TMEM132C: variants seen among roughly 807,000 people sequenced by gnomAD.
TMEM132C encodes the protein transmembrane protein 132C.
TMEM132C carries 29 observed loss-of-function variants against 61.4 expected under a neutral mutation model. The observed-to-expected ratio is 0.47, with a 90% CI of 0.35 to 0.64. The LOEUF (loss-of-function observed/expected upper bound fraction) is 0.64. TMEM132C is among the 30% of genes least tolerant of loss of function. The pLI is 0.00. For missense variants in TMEM132C, 1,408 were observed against 1,476.9 expected, an observed-to-expected ratio of 0.95 and a Z score of 0.76; for synonymous variants, 656 against 633.1, an observed-to-expected ratio of 1.04 and a Z score of -0.54.
intron 4 of TMEM132C, among the ~76,000 whole-genome samples, chr12:128,629,407 G>A (rs1954047051): frequency 6.6e-6 from 1 of 152,064 alleles, no homozygotes; most frequent in Admixed American, 6.5e-5. Flanking sequence ...GGAGGTTGAG[G>A]CTACAGTGAG....
At chr12:128,669,997 C>G (rs1954515755) in intron 5 of TMEM132C, among the ~76,000 whole-genome samples, 1 of 152,178 alleles carries the variant, frequency 6.6e-6, no homozygotes, top group African/African-American at 2.4e-5. Context: ...ATCTCACATA[C>G]TTATCTTTTT....
At chr12:128,692,159 C>A (rs185185761) in intron 5 of TMEM132C, among the ~76,000 whole-genome samples, 1 of 152,348 alleles carries the variant, frequency 6.6e-6, no homozygotes, top group East Asian at 1.9e-4. Context: ...AGCTATCTAC[C>A]CATTTGTCCA....
At chr12:128,402,094 G>A (rs965550912) in intron 1 of TMEM132C, among the ~76,000 whole-genome samples, 8 of 152,228 alleles carry the variant, frequency 5.3e-5, no homozygotes, top group African/African-American at 1.2e-4. Context: ...AGAAGCTGCC[G>A]AGATATTGGC....
intron 2 of TMEM132C, among the ~76,000 whole-genome samples, chr12:128,468,557 G>T (rs1870822358): frequency 2.0e-5 from 3 of 152,194 alleles, no homozygotes; most frequent in African/African-American, 7.2e-5. Context: ...GACCTCAGGT[G>T]ATCCGCCCGC....
At chr12:128,536,405 G>GC (rs1873529109) in intron 2 of TMEM132C, among the ~76,000 whole-genome samples, 4 of 152,092 alleles carry the variant, frequency 2.6e-5, no homozygotes, top group Non-Finnish European at 5.9e-5. Flanking sequence ...GTGGGGGGCT[G>GC]GGGGAGGGAT....
intron 1 of TMEM132C, among the ~76,000 whole-genome samples, chr12:128,319,331 C>A (rs1465839246): frequency 6.6e-6 from 1 of 151,540 alleles, no homozygotes; most frequent in African/African-American, 2.4e-5. Context: ...TCTCTGACTC[C>A]CTCCACTCAA....
At chr12:128,606,868 T>C (rs757779581) in intron 3 of TMEM132C, among the ~76,000 whole-genome samples, 1 of 152,220 alleles carries the variant, frequency 6.6e-6, no homozygotes, top group African/African-American at 2.4e-5. Flanking sequence ...CTAGAATTTT[T>C]AAAATGCATT....
Position 128,278,006 on chromosome 12 carries a change from C to T in TMEM132C, c.85+10519C>T, listed in dbSNP as rs1021679544. Among the ~76,000 whole-genome samples, 1 of 152,064 alleles carries T rather than the reference C, an allele frequency of 6.6e-6. No individual in the cohort carries two copies. The highest frequency in any genetic ancestry group is 1.5e-5 in the Non-Finnish European group (1 of 68,026). ...AATAGTAGCATCTTCTATCACTGAC[C>T]TCCTCTTGCAGATAAGGAGACCTTA... is the stretch of plus-strand genomic sequence containing the variant. On this transcript the variant is annotated intron_variant, in intron 1 of 8. Transcript: ENST00000435159. This position sits in a 1 kb window ranked among gnomAD's most constrained non-coding sequence, Gnocchi z 4.2.
At chr12:128,567,975 C>G (rs1350707261) in intron 3 of TMEM132C, among the ~76,000 whole-genome samples, 1 of 152,148 alleles carries the variant, frequency 6.6e-6, no homozygotes, top group Non-Finnish European at 1.5e-5. Flanking sequence ...GAAAGGACCC[C>G]CTAAGTTACA....
intron 3 of TMEM132C, among the ~76,000 whole-genome samples, chr12:128,599,011 G>T (rs1348531587): frequency 6.6e-6 from 1 of 152,104 alleles, no homozygotes; most frequent in African/African-American, 2.4e-5. Flanking sequence ...CCAGCAGGAG[G>T]CCCTGGTGGG....
intron 6 of TMEM132C, among the ~76,000 whole-genome samples, chr12:128,694,589 A>T (rs1277481955): frequency 2.0e-5 from 3 of 152,168 alleles, no homozygotes; most frequent in Non-Finnish European, 4.4e-5. Context: ...AGCTAAGTGA[A>T]GGTGTTCCTG....
chr12:128,374,848 A>T (rs1874138722), intron 1 of TMEM132C, among the ~76,000 whole-genome samples: 1 of 145,590 alleles, frequency 6.9e-6, no homozygotes, highest in Non-Finnish European at 1.5e-5. Flanking sequence ...TTGAACCTGG[A>T]GGGTGGAGGT....
chr12:128,391,031 C>A (rs1035277838), intron 1 of TMEM132C, among the ~76,000 whole-genome samples: 1 of 152,122 alleles, frequency 6.6e-6, no homozygotes, highest in Non-Finnish European at 1.5e-5. Flanking sequence ...CTTAACGCTG[C>A]GGTTCTCAAA....
Position 128,570,771 on chromosome 12 carries a change from A to G in TMEM132C, c.1121+26668A>G, listed in dbSNP as rs1009607818. Among the ~76,000 whole-genome samples, 1 of 152,242 alleles carries G rather than the reference A, an allele frequency of 6.6e-6. No individual in the cohort carries two copies. Among genetic ancestry groups the G allele is most frequent in the African/African-American group, 2.4e-5 (1 of 41,474 alleles). ...TGGAGGAAGATGTATGGCTAAGGCA[A>G]TAAGTAGGTGAAGGCTGGCGCTGTT... is the stretch of plus-strand genomic sequence containing the variant. On this transcript the variant is annotated intron_variant, in intron 3 of 8. Transcript: ENST00000435159. This position sits in a 1 kb window ranked among gnomAD's most constrained non-coding sequence, Gnocchi z 4.7.
intron 5 of TMEM132C, among the ~76,000 whole-genome samples, chr12:128,693,495 A>G (rs1387064691): frequency 6.6e-6 from 1 of 152,176 alleles, no homozygotes; most frequent in East Asian, 1.9e-4. Context: ...GTAGCTAAAA[A>G]TATTCCCTCC....
chr12:128,542,045 T>C (rs1873778099), intron 2 of TMEM132C, among the ~76,000 whole-genome samples: 1 of 152,212 alleles, frequency 6.6e-6, no homozygotes, highest in Non-Finnish European at 1.5e-5. Flanking sequence ...GGCTGCTTCC[T>C]AAACAGACTT....
At chr12:128,298,829 C>T (rs1871508139) in intron 1 of TMEM132C, among the ~76,000 whole-genome samples, 1 of 152,218 alleles carries the variant, frequency 6.6e-6, no homozygotes. Flanking sequence ...GCTGGTAGAG[C>T]ACCTTGTACC....
intron 1 of TMEM132C, among the ~76,000 whole-genome samples, chr12:128,315,106 A>G (rs1214751306): frequency 6.6e-5 from 10 of 152,314 alleles, no homozygotes; most frequent in Admixed American, 3.9e-4. Context: ...AGGTTCTTCA[A>G]TGAGGAGGCA....
chr12:128,466,349 C>G (rs1870737289), intron 2 of TMEM132C, among the ~76,000 whole-genome samples: 1 of 152,208 alleles, frequency 6.6e-6, no homozygotes, highest in South Asian at 2.1e-4. Flanking sequence ...TGCAAGCATG[C>G]TTTGTTTGGC....
Sources: gnomAD v4.1 joint callset for allele counts (sites outside exome capture counted in the v4.1 genomes callset) on GRCh38, gnomAD v4.1.1 for gene constraint, Gnocchi (gnomAD v3.1) non-coding constraint, MANE v1.5 for transcripts, NCBI Gene and HGNC (gene_info 2026-07-23, HGNC 2026-07-21) for gene names.